PLXDC2: variants seen among roughly 807,000 people sequenced by gnomAD.
The protein encoded by PLXDC2 is plexin domain-containing protein 2.
PLXDC2 carries 40 observed loss-of-function variants against 68.9 expected under a neutral mutation model. The observed-to-expected ratio is 0.58, with a 90% confidence interval of 0.45 to 0.76. PLXDC2 has a LOEUF of 0.76. Among genes scored for constraint, PLXDC2 ranks in the 30% least tolerant of loss-of-function variants. The probability of loss-of-function intolerance (pLI) is 0.00; values close to 1 mark genes in which losing one functional copy is unlikely to be tolerated. For synonymous variants in PLXDC2, 243 were observed against 234.2 expected (o/e 1.04, Z -0.34); for missense variants, 644 against 661.9 (o/e 0.97, Z 0.30).
At chr10:19,872,315 A>G (rs1218785151) in intron 1 of PLXDC2, among the ~76,000 whole-genome samples, 1 of 152,206 alleles carries the variant, frequency 6.6e-6, no homozygotes, top group African/African-American at 2.4e-5. Context: ...AGGATTGAAA[A>G]GTCAAGGAAA....
intron 7 of PLXDC2, among the ~76,000 whole-genome samples, chr10:20,166,634 GA>G (rs1278007129): frequency 6.6e-6 from 1 of 151,864 alleles, no homozygotes; most frequent in Non-Finnish European, 1.5e-5. Flanking sequence ...TTTAATTGCT[GA>G]AAAAAATTAT....
At chr10:20,151,766 G>A (rs76859643) in intron 6 of PLXDC2, among the ~76,000 whole-genome samples, 4,766 of 152,066 alleles carry the variant, frequency 0.031, 89 homozygotes, top group South Asian at 0.067. Flanking sequence ...ATAATTACAA[G>A]GAGTAAAATT....
chr10:19,903,144 G>A (rs1342780569), intron 1 of PLXDC2, among the ~76,000 whole-genome samples: 2 of 151,266 alleles, frequency 1.3e-5, no homozygotes, highest in African/African-American at 4.9e-5. Flanking sequence ...CTTTTTTTTT[G>A]TTAAGTCCTT....
intron 3 of PLXDC2, among the ~76,000 whole-genome samples, chr10:20,049,990 A>G (rs1835864032): frequency 6.6e-6 from 1 of 152,210 alleles, no homozygotes; most frequent in African/African-American, 2.4e-5. Context: ...CCAAAACAGC[A>G]TGTTACTGGT....
intron 13 of PLXDC2, among the ~76,000 whole-genome samples, chr10:20,265,828 G>A (rs141938144): frequency 2.0e-3 from 309 of 152,272 alleles, no homozygotes; most frequent in African/African-American, 7.2e-3. Context: ...ATGGGCAGGT[G>A]ACTACTTGTT....
chr10:20,209,571 G>C (rs370250193), intron 9 of PLXDC2, among the ~76,000 whole-genome samples: 1 of 151,728 alleles, frequency 6.6e-6, no homozygotes, highest in African/African-American at 2.4e-5. Flanking sequence ...GCTTTTGAAA[G>C]ATATTTGCTT....
intron 2 of PLXDC2, among the ~76,000 whole-genome samples, chr10:20,033,773 A>G (rs1589597219): frequency 6.6e-6 from 1 of 152,158 alleles, no homozygotes; most frequent in East Asian, 1.9e-4. Context: ...GGGAGCTACA[A>G]CTGGAGATTT....
chr10:19,817,873 G>A (rs909640411), intron 1 of PLXDC2, among the ~76,000 whole-genome samples: 1 of 152,168 alleles, frequency 6.6e-6, no homozygotes, highest in East Asian at 1.9e-4. Context: ...AGAGTTCCTT[G>A]GAGTGCCCTG....
intron 1 of PLXDC2, among the ~76,000 whole-genome samples, chr10:19,843,922 A>AG (rs1467646315): frequency 6.6e-6 from 1 of 152,186 alleles, no homozygotes; most frequent in Non-Finnish European, 1.5e-5. Context: ...GCTGGAAGAG[A>AG]GGACTTGAAG....
At chr10:20,118,141 C>G (rs1009177557) in intron 4 of PLXDC2, among the ~76,000 whole-genome samples, 1 of 151,168 alleles carries the variant, frequency 6.6e-6, no homozygotes, top group Admixed American at 6.6e-5. Context: ...CACACACAGA[C>G]ACACACACAC....
At chr10:20,040,317 A>T (rs1835661683) in intron 2 of PLXDC2, among the ~76,000 whole-genome samples, 1 of 152,014 alleles carries the variant, frequency 6.6e-6, no homozygotes, top group Non-Finnish European at 1.5e-5. Flanking sequence ...CTCAAGGAGG[A>T]TGCCCAGTGA....
intron 3 of PLXDC2, among the ~76,000 whole-genome samples, chr10:20,061,488 G>C (rs760960654): frequency 1.3e-5 from 2 of 152,138 alleles, no homozygotes; most frequent in Non-Finnish European, 2.9e-5. Flanking sequence ...TGTCTCATTA[G>C]TGGTGAGGTT....
chr10:20,102,922 A>G (rs541743435), intron 4 of PLXDC2, among the ~76,000 whole-genome samples: 5 of 152,334 alleles, frequency 3.3e-5, no homozygotes, highest in African/African-American at 1.2e-4. Context: ...GCCCTGGAGT[A>G]CATCCATGTT....
chr10:19,991,199 T>C (rs1834743529), intron 1 of PLXDC2, among the ~76,000 whole-genome samples: 1 of 150,928 alleles, frequency 6.6e-6, no homozygotes, highest in Non-Finnish European at 1.5e-5. Context: ...TGAGCCGAGA[T>C]CATGCCATTG....
intron 1 of PLXDC2, 126 bp from the exon 2 acceptor site, chr10:20,001,649 T>G: frequency 1.3e-6 from 1 of 777,794 alleles, no homozygotes; most frequent in Admixed American, 2.6e-5. Context: ...TAAACAGATT[T>G]AACTGTTACA....
At chr10:20,033,114 A>G (rs1835527446) in intron 2 of PLXDC2, among the ~76,000 whole-genome samples, 1 of 151,966 alleles carries the variant, frequency 6.6e-6, no homozygotes. Flanking sequence ...GCACACCAAC[A>G]TGGCACATGT....
At chr10:19,929,908 G>GA (rs1833597692) in intron 1 of PLXDC2, among the ~76,000 whole-genome samples, 1 of 152,176 alleles carries the variant, frequency 6.6e-6, no homozygotes, top group Non-Finnish European at 1.5e-5. Flanking sequence ...CTGTTATTCT[G>GA]AAAGCACTGT....
intron 7 of PLXDC2, among the ~76,000 whole-genome samples, chr10:20,167,599 A>G (rs998324640): frequency 6.6e-6 from 1 of 152,152 alleles, no homozygotes; most frequent in Admixed American, 6.6e-5. Context: ...ACAACTGATT[A>G]TTATTCTAAG....
intron 12 of PLXDC2, among the ~76,000 whole-genome samples, chr10:20,228,359 G>C (rs1304180195): frequency 1.3e-5 from 2 of 152,028 alleles, no homozygotes; most frequent in Non-Finnish European, 2.9e-5. Flanking sequence ...CCAGGAGCTT[G>C]AGACTAGCCT....
Sources: allele counts gnomAD v4.1 joint callset (sites outside exome capture counted in the v4.1 genomes callset), GRCh38; gene constraint gnomAD v4.1.1; transcripts MANE v1.5; gene names NCBI Gene and HGNC (gene_info 2026-07-23, HGNC 2026-07-21).